Variants in GRM5 observed in about 807,000 individuals in gnomAD.
GRM5 encodes metabotropic glutamate receptor 5.
GRM5 carries 19 observed loss-of-function variants against 83.1 expected under a neutral mutation model. The observed-to-expected ratio is 0.23, with a 90% CI of 0.16 to 0.34. The LOEUF is 0.34. GRM5 is among the 10% of genes least tolerant of loss of function. The pLI is 1.00. For synonymous variants in GRM5, 675 were observed against 633.6 expected (o/e 1.07, Z -0.98); for missense variants, 1,160 against 1,588.3 (o/e 0.73, Z 4.58).
At chr11:88,708,898 G>A (rs1941220991) in intron 3 of GRM5, among the ~76,000 whole-genome samples, 1 of 152,050 alleles carries the variant, frequency 6.6e-6, no homozygotes, top group Non-Finnish European at 1.5e-5. Flanking sequence ...ATTGTGGTAG[G>A]AACTAAGTTA....
intron 8 of GRM5, among the ~76,000 whole-genome samples, chr11:88,547,595 TCAC>T (rs1942413725): frequency 6.6e-6 from 1 of 152,178 alleles, no homozygotes; most frequent in Non-Finnish European, 1.5e-5. Context: ...CTTTAATAGA[TCAC>T]TTGAGAGTTG....
chr11:88,849,156 T>C (rs1021422646), intron 3 of GRM5, among the ~76,000 whole-genome samples: 16 of 151,832 alleles, frequency 1.1e-4, no homozygotes, highest in Non-Finnish European at 1.8e-4. Context: ...TATATATATA[T>C]ACACACACAC....
At chr11:89,011,133 T>G (rs972647104) in intron 2 of GRM5, among the ~76,000 whole-genome samples, 4 of 152,234 alleles carry the variant, frequency 2.6e-5, no homozygotes, top group African/African-American at 9.6e-5. Context: ...CTCAGTTAGC[T>G]GTAATTAATG....
intron 2 of GRM5, among the ~76,000 whole-genome samples, chr11:88,962,243 T>A (rs1234334955): frequency 6.6e-6 from 1 of 152,148 alleles, no homozygotes; most frequent in African/African-American, 2.4e-5. Flanking sequence ...AGTTTATCCA[T>A]CAGTTTAATA....
At chr11:88,661,865 A>G (rs1939914938) in intron 3 of GRM5, among the ~76,000 whole-genome samples, 1 of 152,134 alleles carries the variant, frequency 6.6e-6, no homozygotes, top group Admixed American at 6.6e-5. Context: ...TAAGGTTCTT[A>G]TGAATATACC....
chr11:88,852,113 T>G (rs1304547049), intron 2 of GRM5, among the ~76,000 whole-genome samples: 1 of 152,180 alleles, frequency 6.6e-6, no homozygotes, highest in Non-Finnish European at 1.5e-5. Flanking sequence ...TATCGAGAAT[T>G]TCACATCATT....
At chr11:88,993,577 T>C (rs1311865980) in intron 2 of GRM5, among the ~76,000 whole-genome samples, 1 of 152,150 alleles carries the variant, frequency 6.6e-6, no homozygotes, top group African/African-American at 2.4e-5. Flanking sequence ...CTATTCAGAG[T>C]CTTTTTTGGT....
At chr11:88,745,677 G>T (rs1013813347) in intron 3 of GRM5, among the ~76,000 whole-genome samples, 30 of 152,260 alleles carry the variant, frequency 2.0e-4, no homozygotes, top group African/African-American at 7.0e-4. Context: ...GAAAACTTAA[G>T]TGTCTCTCTA....
intron 3 of GRM5, among the ~76,000 whole-genome samples, chr11:88,784,995 G>T (rs1388162951): frequency 6.6e-6 from 1 of 152,052 alleles, no homozygotes; most frequent in Non-Finnish European, 1.5e-5. Context: ...CCCAAGAGAT[G>T]TTGCGGTATA....
At chr11:88,644,143 T>C (rs529792038) in intron 4 of GRM5, among the ~76,000 whole-genome samples, 1 of 152,338 alleles carries the variant, frequency 6.6e-6, no homozygotes, top group African/African-American at 2.4e-5. Flanking sequence ...TCAATAATTC[T>C]TAATTTATGA....
intron 4 of GRM5, among the ~76,000 whole-genome samples, chr11:88,636,297 A>G (rs1293156200): frequency 6.6e-6 from 1 of 152,190 alleles, no homozygotes; most frequent in Non-Finnish European, 1.5e-5. Context: ...GGATCACTTG[A>G]GGTCAGGAGT....
At chr11:88,958,971 T>C (rs1195896628) in intron 2 of GRM5, among the ~76,000 whole-genome samples, 1 of 152,124 alleles carries the variant, frequency 6.6e-6, no homozygotes, top group Non-Finnish European at 1.5e-5. Context: ...TCATAGAAGA[T>C]AGTTGGATTT....
chr11:88,780,155 T>G (rs16914821), intron 3 of GRM5, among the ~76,000 whole-genome samples: 17,221 of 152,166 alleles, frequency 0.11, 2,147 homozygotes, highest in African/African-American at 0.31. Context: ...GCACTTACAA[T>G]GATAACAATT....
chr11:89,037,882 T>G (rs1591068105), intron 2 of GRM5, among the ~76,000 whole-genome samples: 2 of 152,238 alleles, frequency 1.3e-5, no homozygotes, highest in Admixed American at 1.3e-4. Flanking sequence ...TTTTAATTTT[T>G]TAGCTTCAAG....
intron 8 of GRM5, among the ~76,000 whole-genome samples, chr11:88,528,469 T>C (rs1941930754): frequency 6.6e-6 from 1 of 152,094 alleles, no homozygotes; most frequent in African/African-American, 2.4e-5. Context: ...GTCTCAACTG[T>C]TGAGTTTAAA....
chr11:88,627,542 G>A (rs1270509516), intron 4 of GRM5, among the ~76,000 whole-genome samples: 2 of 152,010 alleles, frequency 1.3e-5, no homozygotes, highest in Non-Finnish European at 2.9e-5. Flanking sequence ...CTCCTAATTG[G>A]CTGTACAACA....
chr11:88,751,627 C>T (rs1050429757), intron 3 of GRM5, among the ~76,000 whole-genome samples: 4 of 152,124 alleles, frequency 2.6e-5, no homozygotes, highest in Non-Finnish European at 5.9e-5. Flanking sequence ...CATCCTGACA[C>T]CAAAACCTGG....
intron 2 of GRM5, among the ~76,000 whole-genome samples, chr11:88,878,019 G>T (rs564911633): frequency 6.6e-6 from 1 of 151,602 alleles, no homozygotes; most frequent in African/African-American, 2.4e-5. Flanking sequence ...AAAAAAAGAA[G>T]GAAAGAAAGA....
At chr11:88,950,936 G>A (rs1476720480) in intron 2 of GRM5, among the ~76,000 whole-genome samples, 1 of 152,162 alleles carries the variant, frequency 6.6e-6, no homozygotes, top group Admixed American at 6.5e-5. Context: ...TAAATCAAAT[G>A]CAGTTATACT....
Sources: gnomAD v4.1 joint callset for allele counts (sites outside exome capture counted in the v4.1 genomes callset) on GRCh38, gnomAD v4.1.1 for gene constraint, MANE v1.5 for transcripts, NCBI Gene and HGNC (gene_info 2026-07-23, HGNC 2026-07-21) for gene names.